PUM2: variants seen among roughly 807,000 people sequenced by gnomAD.
PUM2 encodes the protein pumilio RNA binding family member 2, also known as pumilio homolog 2.
A neutral mutation model predicts 124.5 loss-of-function variants in PUM2; 57 were observed. The ratio of observed to expected loss-of-function variants is 0.46; its 90% confidence interval spans 0.37 to 0.57. The LOEUF (loss-of-function observed/expected upper bound fraction) is 0.57, where lower values mean the gene tolerates loss of function less well. PUM2 is among the 20% of genes least tolerant of loss of function. The pLI, the probability that PUM2 is intolerant of heterozygous loss-of-function variation, is 0.00. For missense variants in PUM2, 1,065 were observed against 1,290.6 expected (o/e 0.83, Z 2.68); for synonymous variants, 460 against 446.1 (o/e 1.03, Z -0.39).
chr2:20,348,435 G>C (rs909126495), intron 1 of PUM2, among the ~76,000 whole-genome samples: 11 of 152,134 alleles, frequency 7.2e-5, no homozygotes, highest in African/African-American at 2.7e-4. Flanking sequence ...GACGTATGTA[G>C]AACTTGAGTT....
At chr2:20,322,115 T>C (rs1012283846) in intron 2 of PUM2, among the ~76,000 whole-genome samples, 2 of 152,186 alleles carry the variant, frequency 1.3e-5, no homozygotes, top group Non-Finnish European at 2.9e-5. Flanking sequence ...GGATTTAAAA[T>C]GTAAATTGTT....
In PUM2 at chr2:20,254,006, A is replaced by T; in HGVS notation, c.2879T>A (p.Val960Glu). ...LSQHKFASNV[V>E]EKCVTHASRA... ...GGAGGCATGAGTAACACACTTTTCT[A>T]CTACATTGCTAAAAATTAAAGCAGA... The change falls in exon 20 of 21, where the codon GTA becomes GAA. Residue 960 changes from valine (V) to glutamate (E), a missense_variant. Val to Glu is a moderately radical substitution (Grantham distance 121). Coordinates refer to ENST00000361078, the MANE Select transcript of PUM2 (RefSeq NM_015317.5). The T allele has an allele frequency of 6.2e-7, 1 of 1,600,346 alleles. No homozygotes were observed. The highest frequency in any genetic ancestry group is 8.5e-7 in the Non-Finnish European group (1 of 1,176,146).
chr2:20,328,292 T>C (rs1371138905), intron 1 of PUM2, among the ~76,000 whole-genome samples: 1 of 152,108 alleles, frequency 6.6e-6, no homozygotes, highest in Non-Finnish European at 1.5e-5. Flanking sequence ...ATCGTGCCAT[T>C]GCACTCCAGC....
At chr2:20,254,294 G>A (rs1664231775) in intron 19 of PUM2, among the ~76,000 whole-genome samples, 1 of 151,994 alleles carries the variant, frequency 6.6e-6, no homozygotes, top group African/African-American at 2.4e-5. Context: ...CCCCATAGCT[G>A]AGACTACAGG....
chr2:20,306,808 T>C (rs1475430133), intron 7 of PUM2, among the ~76,000 whole-genome samples: 1 of 151,776 alleles, frequency 6.6e-6, no homozygotes, highest in East Asian at 2.0e-4. Flanking sequence ...GGTTTCACCA[T>C]GTTGGCCAGG....
At chr2:20,343,164 A>C (rs1203013156) in intron 1 of PUM2, among the ~76,000 whole-genome samples, 1 of 152,160 alleles carries the variant, frequency 6.6e-6, no homozygotes, top group Non-Finnish European at 1.5e-5. Context: ...ATTTAAATAA[A>C]CTTACTTTAT....
chr2:20,283,226 C>A lies in PUM2; in HGVS notation c.1441G>T (p.Ala481Ser). 1 of 1,611,144 alleles carries A rather than the reference C, an allele frequency of 6.2e-7. No homozygotes were observed. The highest frequency in any genetic ancestry group is 8.5e-7 in the Non-Finnish European group (1 of 1,177,924). ...ISSAAAQAAA[A>S]AAAGGTASSL... Reference sequence around the variant, plus strand: ...CTTGCAGTTCCTCCAGCTGCTGCTGCTGCTGCTGTAAAATAAATTTCAGAT... The same window carrying A: ...CTTGCAGTTCCTCCAGCTGCTGCTGATGCTGCTGTAAAATAAATTTCAGAT... The change falls in exon 12 of 21, where the codon GCA becomes TCA. Residue 481 changes from alanine to serine, a missense_variant. Physicochemically the swap from Ala to Ser is moderately conservative, Grantham distance 99. Coordinates refer to ENST00000361078, the MANE Select transcript of PUM2 (RefSeq NM_015317.5).
intron 14 of PUM2, 80 bp downstream of exon 14, chr2:20,263,113 A>C: frequency 7.2e-7 from 1 of 1,389,752 alleles, no homozygotes; most frequent in Non-Finnish European, 9.9e-7. Flanking sequence ...AATGCAGACT[A>C]AAGTCCAGAA....
At chr2:20,290,861 G>T in intron 9 of PUM2, 71 bp from the exon 10 acceptor site, 1 of 1,212,118 alleles carries the variant, frequency 8.3e-7, no homozygotes, top group Non-Finnish European at 1.1e-6. Flanking sequence ...TTGGACAACT[G>T]TGTATTTATT....
chr2:20,344,775 G>A (rs992962926), intron 1 of PUM2, among the ~76,000 whole-genome samples: 7 of 151,984 alleles, frequency 4.6e-5, no homozygotes, highest in Non-Finnish European at 4.4e-5. Flanking sequence ...GAGGTCAGGA[G>A]ATGGAGACCA....
At chr2:20,315,872 A>G (rs575149081) in intron 3 of PUM2, among the ~76,000 whole-genome samples, 3 of 151,760 alleles carry the variant, frequency 2.0e-5, no homozygotes, top group Non-Finnish European at 4.4e-5. Flanking sequence ...ACCAAAAAAC[A>G]AAGATAAAAA....
chr2:20,295,931 A>G (rs1675420667), intron 8 of PUM2, among the ~76,000 whole-genome samples: 1 of 152,200 alleles, frequency 6.6e-6, no homozygotes, highest in African/African-American at 2.4e-5. Context: ...AGAAAACTTA[A>G]GTCCAAAATA....
intron 3 of PUM2, among the ~76,000 whole-genome samples, chr2:20,313,512 A>C (rs1680158503): frequency 2.6e-5 from 4 of 152,198 alleles, no homozygotes; most frequent in Non-Finnish European, 5.9e-5. Flanking sequence ...ATAACGTAAC[A>C]ATTCATAATA....
rs547997058 is a variant in PUM2, at chr2:20,258,042, C to T, written c.2484+201G>A. ...TAACATTCTGCTTGCCACATAGGTGCTAAAATATCTTCATTTAGAAATTAT... is the reference window on the plus strand; with the variant it reads ...TAACATTCTGCTTGCCACATAGGTGTTAAAATATCTTCATTTAGAAATTAT... On this transcript the variant is annotated intron_variant, in intron 16 of 20. Coordinates refer to ENST00000361078, the MANE Select transcript of PUM2 (RefSeq NM_015317.5). Among the ~76,000 whole-genome samples the T allele has an allele frequency of 4.6e-5, 7 of 152,228 alleles. No individual in the cohort carries two copies. The South Asian group carries it at 1.5e-3, about 32-fold the overall frequency.
chr2:20,248,760 C>T lies in PUM2; in HGVS notation c.*2825G>A, dbSNP rs6669. 0.059 allele frequency: 9,059 copies of T among 152,686 alleles called. 358 individuals carry two copies. The highest frequency in any genetic ancestry group is 0.089 in the Non-Finnish European group (6,033 of 68,020). The allele number at this position is 152,686 out of a possible 1,614,324, so 9.5% of individuals were successfully genotyped here. A position where few individuals can be genotyped will look rare whatever the true frequency, so the allele number is the denominator to read the frequency against. ...GGTTTATTTCATACAATGTTATTCA[C>T]ACATTTTTCATTTTCTAATTTATAC... On this transcript the variant is annotated 3_prime_UTR_variant, in exon 21 of 21. Transcript: ENST00000361078.
intron 1 of PUM2, among the ~76,000 whole-genome samples, chr2:20,349,684 C>A (rs1363096918): frequency 6.6e-6 from 1 of 152,176 alleles, no homozygotes; most frequent in Non-Finnish European, 1.5e-5. Flanking sequence ...AGTACCTTTA[C>A]AGGTATTACA....
intron 13 of PUM2, among the ~76,000 whole-genome samples, chr2:20,276,758 C>T (rs1670363144): frequency 6.6e-6 from 1 of 151,920 alleles, no homozygotes; most frequent in Non-Finnish European, 1.5e-5. Flanking sequence ...AACAATGTTG[C>T]CAGTCATACC....
At chr2:20,310,112 A>G (rs574501910) in intron 5 of PUM2, among the ~76,000 whole-genome samples, 4 of 152,208 alleles carry the variant, frequency 2.6e-5, no homozygotes, top group Non-Finnish European at 4.4e-5. Context: ...TATTGATGAC[A>G]TATTAGTTAA....
In PUM2 at chr2:20,258,386, A is replaced by G. The variant is rs759388614; in HGVS notation, c.2356-15T>C. ...AGACTCCCAAACTGACAGAAAAGAT[A>G]TAACATTAATAACAAGTGACCTTAA... On this transcript the variant is annotated splice_polypyrimidine_tract_variant and intron_variant, in intron 15 of 20. Coordinates refer to ENST00000361078, the MANE Select transcript of PUM2 (RefSeq NM_015317.5). The G allele has an allele frequency of 8.7e-6, 14 of 1,608,222 alleles. No homozygotes were observed. Among genetic ancestry groups the G allele is most frequent in the South Asian group, 1.1e-5 (1 of 90,176 alleles).
Sources: allele counts gnomAD v4.1 joint callset (sites outside exome capture counted in the v4.1 genomes callset), GRCh38; gene constraint gnomAD v4.1.1; transcripts MANE v1.5; gene names NCBI Gene and HGNC (gene_info 2026-07-23, HGNC 2026-07-21).